The following USP14 variants were observed in gnomAD, a reference collection of about 807,000 sequenced individuals.
The protein encoded by USP14 is ubiquitin carboxyl-terminal hydrolase 14.
Under a neutral mutation model 76.5 loss-of-function variants are expected in USP14, and 38 were observed. That is an observed-to-expected ratio of 0.50 (90% CI 0.38 to 0.65). USP14 has a LOEUF of 0.65. Among genes scored for constraint, USP14 ranks in the 30% least tolerant of loss-of-function variants. USP14 has a pLI of 0.00. For synonymous variants in USP14, 192 were observed against 191.7 expected, an observed-to-expected ratio of 1.00 and a Z score of -0.01; for missense variants, 467 against 586.5, an observed-to-expected ratio of 0.80 and a Z score of 2.10.
chr18:211,146 G>T lies in USP14; in HGVS notation c.1347G>T (p.Lys449Asn). 1 of 1,613,302 alleles carries T rather than the reference G, an allele frequency of 6.2e-7. No individual in the cohort carries two copies. Residue 449 changes from lysine (K) to asparagine (N), a missense_variant, in exon 16 of 16, where the codon AAG becomes AAT. Transcript: ENST00000261601. Reference protein sequence around the residue: ...WVKRKQDEWIKFDDDKVSIVT... With the variant: ...WVKRKQDEWINFDDDKVSIVT... ...CCTGTTATTTAGATGAATGGATTAA[G>T]TTTGATGATGACAAAGTCAGCATCG...
intron 3 of USP14, among the ~76,000 whole-genome samples, chr18:177,974 C>A (rs1484708634): frequency 6.6e-6 from 1 of 152,042 alleles, no homozygotes; most frequent in Non-Finnish European, 1.5e-5. Flanking sequence ...TACAGTTACA[C>A]AATAGACATT....
At chr18:210,901 T>C (rs1405803027) in intron 15 of USP14, among the ~76,000 whole-genome samples, 2 of 152,100 alleles carry the variant, frequency 1.3e-5, no homozygotes, top group Non-Finnish European at 2.9e-5. Context: ...CTTGAGAGAA[T>C]GTGGGTGGAA....
At chr18:208,490 CTT>C (rs1910586216) in intron 13 of USP14, among the ~76,000 whole-genome samples, 1 of 152,062 alleles carries the variant, frequency 6.6e-6, no homozygotes, top group African/African-American at 2.4e-5. Flanking sequence ...GATTTCTGCT[CTT>C]ATTTCCTTTA....
chr18:183,170 G>C (rs1049588675), intron 5 of USP14, among the ~76,000 whole-genome samples: 2 of 151,868 alleles, frequency 1.3e-5, no homozygotes, highest in African/African-American at 4.8e-5. Context: ...TGATAATATT[G>C]CTTGGAGCAA....
chr18:178,100 A>G (rs1909679128), intron 3 of USP14, among the ~76,000 whole-genome samples: 1 of 152,158 alleles, frequency 6.6e-6, no homozygotes, highest in Non-Finnish European at 1.5e-5. Context: ...AGCTCACCAC[A>G]GCCTCAACCT....
Position 211,904 on chromosome 18 carries a change from G to C in USP14, c.*620G>C, listed in dbSNP as rs1259034062. Reference sequence around the variant, plus strand: ...CCTTTGATTATACATTTATTATTGTGTCTCTCTCTGATGTACTGTGGATTG... The same window carrying C: ...CCTTTGATTATACATTTATTATTGTCTCTCTCTCTGATGTACTGTGGATTG... On this transcript the variant is annotated 3_prime_UTR_variant, in exon 16 of 16. Transcript: ENST00000261601. 1.3e-5 allele frequency: 2 copies of C among 152,054 alleles called. No homozygotes were observed. The highest frequency in any genetic ancestry group is 2.9e-5 in the Non-Finnish European group (2 of 67,938). 9.4% of individuals were successfully genotyped at this position (152,054 alleles called of 1,614,324 possible). A position where few individuals can be genotyped will look rare whatever the true frequency, so the allele number is the denominator to read the frequency against.
chr18:202,512 C>T (rs1437223783), intron 10 of USP14, among the ~76,000 whole-genome samples: 1 of 152,120 alleles, frequency 6.6e-6, no homozygotes, highest in East Asian at 1.9e-4. Flanking sequence ...CTTGGGCTCT[C>T]TTAATTTTCC....
intron 9 of USP14, 102 bp downstream of exon 9, chr18:198,234 C>T: frequency 1.9e-6 from 2 of 1,064,054 alleles, no homozygotes; most frequent in Non-Finnish European, 2.6e-6. Flanking sequence ...AAGAAAAATT[C>T]TTCAGAGGTT....
chr18:171,025 A>AAAAAAAAATATATATATAT (rs1327304974), intron 3 of USP14, among the ~76,000 whole-genome samples: 3 of 47,684 alleles, frequency 6.3e-5, no homozygotes, highest in African/African-American at 2.6e-4. Context: ...AAAAAAAAAA[A>AAAAAAAAATATATATATAT]ATATATATAT....
At chr18:159,353 G>A (rs1909051352) in intron 1 of USP14, among the ~76,000 whole-genome samples, 1 of 152,192 alleles carries the variant, frequency 6.6e-6, no homozygotes, top group African/African-American at 2.4e-5. Flanking sequence ...CATATCCCCG[G>A]GGTGTCATTT....
chr18:209,420 G>A (rs1027935118), intron 13 of USP14, among the ~76,000 whole-genome samples: 1 of 152,192 alleles, frequency 6.6e-6, no homozygotes. Flanking sequence ...ATGCTAAAAT[G>A]AGTTGAAGCA....
At chr18:162,440 T>C (rs1909147933) in intron 1 of USP14, among the ~76,000 whole-genome samples, 1 of 152,082 alleles carries the variant, frequency 6.6e-6, no homozygotes, top group Admixed American at 6.5e-5. Context: ...ATGATTTAGA[T>C]ATGTCTTTGG....
At chr18:158,772 AG>A in intron 1 of USP14, 58 bp downstream of exon 1, 2 of 1,375,738 alleles carry the variant, frequency 1.5e-6, no homozygotes, top group Non-Finnish European at 1.9e-6. Flanking sequence ...GCCTCCGCGT[AG>A]GCCTGGCCTG....
chr18:194,020 G>A (rs1910163025), intron 6 of USP14, among the ~76,000 whole-genome samples: 1 of 152,140 alleles, frequency 6.6e-6, no homozygotes, highest in African/African-American at 2.4e-5. Flanking sequence ...ATTTTCCAAA[G>A]GAGTCCCACC....
chr18:175,385 A>G (rs1909599464), intron 3 of USP14, among the ~76,000 whole-genome samples: 1 of 152,090 alleles, frequency 6.6e-6, no homozygotes, highest in Non-Finnish European at 1.5e-5. Context: ...GGCTGGTGGT[A>G]GTTTATAGAT....
At chr18:204,839 A>T in intron 13 of USP14, 147 bp downstream of exon 13, 1 of 854,726 alleles carries the variant, frequency 1.2e-6, no homozygotes, top group Non-Finnish European at 1.8e-6. Context: ...TATTACAATT[A>T]GCAGGTATAC....
At chr18:167,607 G>A (rs1909310936) in intron 3 of USP14, among the ~76,000 whole-genome samples, 1 of 151,880 alleles carries the variant, frequency 6.6e-6, no homozygotes, top group Non-Finnish European at 1.5e-5. Context: ...CCAGCCTCAA[G>A]CAGTCCTTCC....
intron 3 of USP14, among the ~76,000 whole-genome samples, chr18:176,196 G>A (rs569303143): frequency 3.4e-4 from 51 of 150,566 alleles, no homozygotes; most frequent in African/African-American, 5.8e-4. Flanking sequence ...TTATTACTTC[G>A]TTTATTTTTT....
chr18:205,096 G>A (rs61644553), intron 13 of USP14, among the ~76,000 whole-genome samples: 22,656 of 151,886 alleles, frequency 0.15, 1,920 homozygotes, highest in African/African-American at 0.21. Flanking sequence ...GGCTAGTCTC[G>A]AACTCCTGAG....
Sources: allele counts gnomAD v4.1 joint callset (sites outside exome capture counted in the v4.1 genomes callset), GRCh38; gene constraint gnomAD v4.1.1; transcripts MANE v1.5; gene names NCBI Gene and HGNC (gene_info 2026-07-23, HGNC 2026-07-21).